Variants in COLGALT1 observed in about 807,000 individuals in gnomAD.
The protein encoded by COLGALT1 is procollagen galactosyltransferase 1.
In COLGALT1, 43 loss-of-function variants were observed where a neutral mutation model predicts 60.8. The ratio of observed to expected loss-of-function variants is 0.71; its 90% CI spans 0.55 to 0.91. The LOEUF (loss-of-function observed/expected upper bound fraction) is 0.91. COLGALT1 is among the 40% of genes least tolerant of loss of function. COLGALT1 has a pLI of 0.00. For synonymous variants in COLGALT1, 369 were observed against 374.2 expected, an observed-to-expected ratio of 0.99 and a Z score of 0.16; for missense variants, 845 against 880.0, an observed-to-expected ratio of 0.96 and a Z score of 0.50.
chr19:17,577,249 C>T lies in COLGALT1; in HGVS notation c.1004C>T (p.Pro335Leu). ...SRFISAPTKTPDKMGFDEVFM... is the reference protein window; with the variant it reads ...SRFISAPTKTLDKMGFDEVFM... ...TTCATCTCGGCTCCCACCAAGACAC[C>T]GGACAAGATGGGCTTCGACGAGGTG... is the stretch of plus-strand genomic sequence containing the variant. Residue 335 changes from proline to leucine, a missense_variant, in exon 7 of 12, where the codon CCG (proline) becomes CTG (leucine). Pro to Leu is a moderately conservative substitution (Grantham distance 98). Coordinates refer to ENST00000252599, the MANE Select transcript of COLGALT1 (RefSeq NM_024656.4). 6.2e-7 allele frequency: 1 copy of T among 1,613,242 alleles called. No homozygotes were observed.
intron 5 of COLGALT1, among the ~76,000 whole-genome samples, chr19:17,569,918 G>GTA: frequency 3.3e-5 from 1 of 30,040 alleles, no homozygotes; most frequent in African/African-American, 1.1e-4. Context: ...TTTTTGAGAC[G>GTA]GAGTCTCGCT....
At chr19:17,579,765 G>A (rs1385816498) in intron 10 of COLGALT1, among the ~76,000 whole-genome samples, 156 bp downstream of exon 10, 1 of 151,954 alleles carries the variant, frequency 6.6e-6, no homozygotes, top group East Asian at 1.9e-4. Context: ...CTAGGTACAT[G>A]GCCAGGGCTT....
Position 17,572,582 on chromosome 19 carries a change from A to T in COLGALT1, c.929A>T (p.His310Leu). 1 of 1,614,100 alleles carries T rather than the reference A, an allele frequency of 6.2e-7. No individual in the cohort carries two copies. The highest frequency in any genetic ancestry group is 8.5e-7 in the Non-Finnish European group (1 of 1,180,034). The change falls in exon 6 of 12, where the codon CAT (histidine) becomes CTT (leucine). Residue 310 changes from histidine to leucine, a missense_variant. His to Leu is a moderately conservative substitution (Grantham distance 99). Transcript: ENST00000252599. ...TLQDEAESFMHVQLEVMVKHP... is the reference protein window; with the variant it reads ...TLQDEAESFMLVQLEVMVKHP... The stretch of plus-strand genomic sequence containing the variant: ...CAGGATGAGGCCGAGAGCTTCATGC[A>T]TGTGCAGCTGGAGGTCATGGGTGAG...
At chr19:17,560,537 G>C (rs1236558869) in intron 3 of COLGALT1, 72 bp downstream of exon 3, 2 of 1,222,290 alleles carry the variant, frequency 1.6e-6, no homozygotes, top group African/African-American at 3.0e-5. Context: ...GGAGCAGCAG[G>C]ATGCCAGGAC....
Position 17,577,447 on chromosome 19 carries a change from G to A in COLGALT1, c.1113G>A (p.Leu371=). Residue 371 remains leucine, a synonymous_variant, in exon 8 of 12, where the codon CTG becomes CTA. Transcript: ENST00000252599. The part of the protein sequence containing the change: ...ALQAQEIECR[L]VEAVDGKAMN... Reference sequence around the variant, plus strand: ...AGGCACAGGAGATCGAGTGCCGGCTGGTGGAGGCCGTGGACGGCAAGTGAG... The same window carrying A: ...AGGCACAGGAGATCGAGTGCCGGCTAGTGGAGGCCGTGGACGGCAAGTGAG... 6.7e-7 allele frequency: 1 copy of A among 1,495,340 alleles called. No individual in the cohort carries two copies. Among genetic ancestry groups the A allele is most frequent in the Non-Finnish European group, 8.9e-7 (1 of 1,125,272 alleles). 92.6% of individuals were successfully genotyped at this position (1,495,340 alleles called of 1,614,324 possible).
At position 17,570,299 on chromosome 19, in the gene COLGALT1, G is replaced by A. The variant is rs2076304823; in HGVS notation, c.829+1586G>A. ...CTGTCACCCAGCCTGGAGTGCAGTG[G>A]TGTGATCGTAGCTCACTGCAGCCTC... On this transcript the variant is annotated intron_variant, in intron 5 of 11. Coordinates refer to ENST00000252599, the MANE Select transcript of COLGALT1 (RefSeq NM_024656.4). Among the ~76,000 whole-genome samples the A allele has an allele frequency of 2.6e-5, 4 of 152,128 alleles. No homozygotes were observed. In the South Asian group the frequency reaches 8.3e-4, roughly 32 times the overall value.
At chr19:17,580,014 GC>G in intron 10 of COLGALT1, 1 of 205,126 alleles carries the variant, frequency 4.9e-6, no homozygotes, top group Middle Eastern at 2.2e-3. Flanking sequence ...CCGGAAGCCT[GC>G]AGGCTTGGTC....
At chr19:17,580,540 C>T in intron 10 of COLGALT1, 159 bp from the exon 11 acceptor site, 1 of 688,416 alleles carries the variant, frequency 1.5e-6, no homozygotes, top group Non-Finnish European at 2.4e-6. Flanking sequence ...CGCCAGACCC[C>T]TGGGCTCCTG....
intron 9 of COLGALT1, 99 bp from the exon 10 acceptor site, chr19:17,579,383 C>G: frequency 6.5e-7 from 1 of 1,533,328 alleles, no homozygotes; most frequent in Non-Finnish European, 8.9e-7. Context: ...GCACTGGCTT[C>G]TCTACGGGTC....
intron 9 of COLGALT1, among the ~76,000 whole-genome samples, chr19:17,579,134 C>T (rs2076362652): frequency 6.6e-6 from 1 of 151,190 alleles, no homozygotes; most frequent in Non-Finnish European, 1.5e-5. Flanking sequence ...TTCCACTGCA[C>T]TCCAGCCTGG....
Position 17,579,841 on chromosome 19 carries a change from G to T in COLGALT1, c.1394+232G>T, listed in dbSNP as rs1599796974. On this transcript the variant is annotated intron_variant, in intron 10 of 11. Transcript: ENST00000252599. ...GGCGTGGCCACAGCGCTGCAGCTGAGCCTAGAGCCTGTATGTCTGGGTGTG... is the reference window on the plus strand; with the variant it reads ...GGCGTGGCCACAGCGCTGCAGCTGATCCTAGAGCCTGTATGTCTGGGTGTG... 3 of 560,900 alleles carry T rather than the reference G, an allele frequency of 5.3e-6. No individual in the cohort carries two copies. The Admixed American group carries it at 9.2e-5, about 17-fold the overall frequency. The allele number at this position is 560,900 out of a possible 1,614,324, so 34.7% of individuals were successfully genotyped here. A position where few individuals can be genotyped will look rare whatever the true frequency, so the allele number is the denominator to read the frequency against.
intron 3 of COLGALT1, among the ~76,000 whole-genome samples, chr19:17,563,490 C>T (rs1344884433): frequency 1.3e-5 from 2 of 151,944 alleles, no homozygotes; most frequent in Admixed American, 1.3e-4. Context: ...GCTGGGACTA[C>T]AGGCGCCCGC....
In COLGALT1 at chr19:17,555,938, GCGGC is replaced by G; in HGVS notation, c.226_229del (p.Arg76CysfsTer32). On this transcript the variant is annotated frameshift_variant, in exon 1 of 12. Transcript: ENST00000252599. LOFTEE classifies it high-confidence loss of function. Reference sequence around the variant, plus strand: ...TGCCCACCACGCTGGGCGCACTCGAGCGGCTGCGGCACCCGCGGGAGCGCACGGC... The same window carrying G: ...TGCCCACCACGCTGGGCGCACTCGAGTGCGGCACCCGCGGGAGCGCACGGC... 1 of 1,391,564 alleles carries G rather than the reference GCGGC, an allele frequency of 7.2e-7. No individual in the cohort carries two copies. The highest frequency in any genetic ancestry group is 3.1e-5 in the East Asian group (1 of 32,394). The allele number at this position is 1,391,564 out of a possible 1,614,324, so 86.2% of individuals were successfully genotyped here.
intron 6 of COLGALT1, 59 bp downstream of exon 6, chr19:17,572,661 C>T (rs1457099736): frequency 2.9e-5 from 47 of 1,605,528 alleles, no homozygotes; most frequent in African/African-American, 4.0e-5. Context: ...TCACTGATGT[C>T]TCAAATCCGT....
intron 8 of COLGALT1, 79 bp from the exon 9 acceptor site, chr19:17,577,878 G>A (rs199643302): frequency 3.2e-6 from 5 of 1,539,188 alleles, no homozygotes; most frequent in Non-Finnish European, 4.4e-6. Flanking sequence ...AACGCCGCAG[G>A]GGGTGGTGGA....
At chr19:17,560,933 G>A (rs977288910) in intron 3 of COLGALT1, among the ~76,000 whole-genome samples, 4 of 151,820 alleles carry the variant, frequency 2.6e-5, no homozygotes, top group Admixed American at 6.6e-5. Context: ...AGCCAGGCAT[G>A]GTGGCTCATG....
At chr19:17,556,165 A>T (rs115485455) in intron 1 of COLGALT1, among the ~76,000 whole-genome samples, 192 bp downstream of exon 1, 5 of 152,010 alleles carry the variant, frequency 3.3e-5, no homozygotes, top group African/African-American at 9.7e-5. Context: ...GGACGGGTCC[A>T]CGCGTGCCCC....
intron 6 of COLGALT1, 139 bp from the exon 7 acceptor site, chr19:17,577,056 C>A (rs2076347343): frequency 2.7e-6 from 2 of 741,884 alleles, no homozygotes. Context: ...TAGAGGGCAG[C>A]GCTGATGTGG....
intron 3 of COLGALT1, chr19:17,566,105 C>T (rs1006581063): frequency 6.6e-6 from 1 of 152,170 alleles, no homozygotes; most frequent in Admixed American, 6.5e-5. Flanking sequence ...TGGCTCACAC[C>T]TGTAATCCCA....
Sources: allele counts gnomAD v4.1 joint callset (sites outside exome capture counted in the v4.1 genomes callset), GRCh38; gene constraint gnomAD v4.1.1; transcripts MANE v1.5; gene names NCBI Gene and HGNC (gene_info 2026-07-23, HGNC 2026-07-21).